DYNC2H1: variants seen among roughly 807,000 people sequenced by gnomAD.
The protein encoded by DYNC2H1 is cytoplasmic dynein 2 heavy chain 1.
DYNC2H1 carries 410 observed loss-of-function variants against 570.0 expected under a neutral mutation model. That is an observed-to-expected ratio of 0.72 (90% confidence interval 0.66 to 0.78). DYNC2H1 has a LOEUF of 0.78. DYNC2H1 is among the 30% of genes least tolerant of loss of function. DYNC2H1 has a pLI of 0.00. For synonymous variants in DYNC2H1, 1,688 were observed against 1,677.6 expected, an observed-to-expected ratio of 1.01 and a Z score of -0.15; for missense variants, 4,865 against 5,046.4, an observed-to-expected ratio of 0.96 and a Z score of 1.09.
chr11:103,337,674 A>G (rs1939219011), intron 82 of DYNC2H1, among the ~76,000 whole-genome samples: 1 of 152,082 alleles, frequency 6.6e-6, no homozygotes, highest in Non-Finnish European at 1.5e-5. Context: ...GGTCATTTGC[A>G]TGTCTTCTTT....
chr11:103,253,474 C>T, intron 66 of DYNC2H1, 26 bp downstream of exon 66: 2 of 1,573,088 alleles, frequency 1.3e-6, no homozygotes, highest in Non-Finnish European at 1.7e-6. Flanking sequence ...AATAATTTAC[C>T]TTGGAATCTT....
In DYNC2H1 at chr11:103,465,404, A is replaced by G. The variant is rs911422710; in HGVS notation, c.12649-3185A>G. Among the ~76,000 whole-genome samples the G allele has an allele frequency of 1.3e-5, 2 of 152,168 alleles. No homozygotes were observed. Among genetic ancestry groups the G allele is most frequent in the Non-Finnish European group, 1.5e-5 (1 of 68,008 alleles). On this transcript the variant is annotated intron_variant, in intron 87 of 88. Transcript: ENST00000375735. This position sits in a 1 kb window ranked among gnomAD's most constrained non-coding sequence, Gnocchi z 4.9. ...CTTAAAAAATGTCAGACTTTCCAAA[A>G]TCAAATTTTAAAATTTAATGCAATT...
chr11:103,402,515 G>T (rs955513219), intron 84 of DYNC2H1: 1 of 152,110 alleles, frequency 6.6e-6, no homozygotes, highest in Admixed American at 6.6e-5. Flanking sequence ...GTTATTAGAA[G>T]AGCTGAGAGA....
rs1036695460 is a variant in DYNC2H1, at chr11:103,121,489, A to G, written c.1478A>G (p.Glu493Gly). The stretch of plus-strand genomic sequence containing the variant: ...AGTATAGTTTGGGTTCGCCAGTTGG[A>G]ATTGAAGGTATTTATTTTAATAAAA... ...VNSIVWVRQL[E>G]LKVDDTIKIA... Residue 493 changes from glutamate (E) to glycine (G), a missense_variant, in exon 10 of 89, where the codon GAA (glutamate) becomes GGA (glycine). Physicochemically the swap from Glu to Gly is moderately conservative, Grantham distance 98 (BLOSUM62 -2). Coordinates refer to ENST00000375735, the MANE Select transcript of DYNC2H1 (RefSeq NM_001377.3). The G allele has an allele frequency of 1.2e-6, 2 of 1,611,488 alleles. No homozygotes were observed. Among genetic ancestry groups the G allele is most frequent in the Non-Finnish European group, 1.7e-6 (2 of 1,179,022 alleles).
chr11:103,140,511 C>T (rs979588276), intron 17 of DYNC2H1, among the ~76,000 whole-genome samples: 14 of 152,162 alleles, frequency 9.2e-5, no homozygotes, highest in African/African-American at 3.4e-4. Flanking sequence ...GTTGAAACTT[C>T]TTTTCTTTAG....
chr11:103,176,149 A>G lies in DYNC2H1; in HGVS notation c.5675-86A>G, dbSNP rs1163380198. 4 of 963,116 alleles carry G rather than the reference A, an allele frequency of 4.2e-6. No individual in the cohort carries two copies. In the African/African-American group the frequency reaches 5.2e-5, roughly 12 times the overall value. The allele number at this position is 963,116 out of a possible 1,614,324, so 59.7% of individuals were successfully genotyped here. ...ATTCTAGTGCATTTAATGATTAATA[A>G]TGCATATCAAGGCTATAGAATATTT... On this transcript the variant is annotated intron_variant, in intron 36 of 88. Coordinates refer to ENST00000375735, the MANE Select transcript of DYNC2H1 (RefSeq NM_001377.3).
chr11:103,347,549 A>G (rs1217103770), intron 82 of DYNC2H1, among the ~76,000 whole-genome samples: 2 of 152,184 alleles, frequency 1.3e-5, no homozygotes, highest in Non-Finnish European at 2.9e-5. Flanking sequence ...CAAGTGCTGG[A>G]AAGTGTTGAC....
chr11:103,146,671 C>T (rs774825682), intron 18 of DYNC2H1, among the ~76,000 whole-genome samples: 6 of 151,468 alleles, frequency 4.0e-5, no homozygotes, highest in South Asian at 2.1e-4. Context: ...AGTGTGATCT[C>T]GGCTTACTGC....
At chr11:103,373,904 C>G (rs1023766229) in intron 83 of DYNC2H1, among the ~76,000 whole-genome samples, 1 of 152,100 alleles carries the variant, frequency 6.6e-6, no homozygotes, top group Non-Finnish European at 1.5e-5. Flanking sequence ...GCTACATCCT[C>G]TTTTTGAAGT....
At position 103,253,365 on chromosome 11, in the gene DYNC2H1, C is replaced by T. The variant is rs1864915457; in HGVS notation, c.10123C>T (p.Pro3375Ser). 2 of 1,613,122 alleles carry T rather than the reference C, an allele frequency of 1.2e-6. No individual in the cohort carries two copies. Among genetic ancestry groups the T allele is most frequent in the East Asian group, 2.2e-5 (1 of 44,788 alleles). The change falls in exon 66 of 89, where the codon CCA (proline) becomes TCA (serine). Residue 3375 changes from proline to serine, a missense_variant. Transcript: ENST00000375735. ...CCGCCTCTTTTTGTCAACAAGAAAC[C>T]CAAATCCTTTTATTCCACCGGATGC... ...EFRLFLSTRN[P>S]NPFIPPDAAS...
At chr11:103,359,940 C>T (rs1591629609) in intron 83 of DYNC2H1, among the ~76,000 whole-genome samples, 3 of 152,056 alleles carry the variant, frequency 2.0e-5, no homozygotes, top group Non-Finnish European at 2.9e-5. Context: ...GCTGGGATTA[C>T]AGGCGTGAGC....
chr11:103,424,359 G>T (rs1943593551), intron 84 of DYNC2H1, among the ~76,000 whole-genome samples: 1 of 152,090 alleles, frequency 6.6e-6, no homozygotes, highest in Non-Finnish European at 1.5e-5. Flanking sequence ...TGTTGATATG[G>T]ATCAGGAACA....
intron 74 of DYNC2H1, 94 bp from the exon 75 acceptor site, chr11:103,287,439 A>G (rs1306340107): frequency 2.0e-6 from 2 of 1,009,808 alleles, no homozygotes; most frequent in Admixed American, 2.4e-5. Context: ...CATATTTAGT[A>G]AACATTTGTT....
intron 83 of DYNC2H1, among the ~76,000 whole-genome samples, chr11:103,379,432 A>T (rs1354278792): frequency 6.6e-6 from 1 of 152,154 alleles, no homozygotes; most frequent in Non-Finnish European, 1.5e-5. Context: ...TTTATATTAC[A>T]TTCATAATAG....
chr11:103,321,865 T>A (rs1308991423), intron 81 of DYNC2H1, among the ~76,000 whole-genome samples: 2 of 152,112 alleles, frequency 1.3e-5, no homozygotes, highest in Non-Finnish European at 2.9e-5. Context: ...AGTGTGCAAA[T>A]AATTCTTTAT....
chr11:103,211,273 A>T (rs2135120274), intron 53 of DYNC2H1, among the ~76,000 whole-genome samples: 1 of 152,142 alleles, frequency 6.6e-6, no homozygotes, highest in South Asian at 2.1e-4. Flanking sequence ...GGGAATACAG[A>T]TGCAAATTGT....
rs891020969 is a variant in DYNC2H1, at chr11:103,185,458, C to A, written c.6633+407C>A. ...TGAATTAATTATTAATAAATATTTT[C>A]TTTAATATATGTTAAAGTTGTATTA... On this transcript the variant is annotated intron_variant, in intron 41 of 88. Coordinates refer to ENST00000375735, the MANE Select transcript of DYNC2H1 (RefSeq NM_001377.3). The surrounding 1 kb of genome is among the most constrained non-coding windows in gnomAD (Gnocchi z 4.5). 1.3e-5 allele frequency among the ~76,000 whole-genome samples: 2 copies of A among 151,848 alleles called. No individual in the cohort carries two copies. The highest frequency in any genetic ancestry group is 2.1e-4 in the South Asian group (1 of 4,818).
chr11:103,431,186 C>A (rs1333481512), intron 84 of DYNC2H1, among the ~76,000 whole-genome samples: 1 of 145,544 alleles, frequency 6.9e-6, no homozygotes, highest in Non-Finnish European at 1.5e-5. Context: ...TAGGGTTAGA[C>A]CTGGATTCAA....
At chr11:103,453,615 C>CATATATATATATATATATATATATAT (rs66628059) in intron 85 of DYNC2H1, among the ~76,000 whole-genome samples, 29 of 136,612 alleles carry the variant, frequency 2.1e-4, no homozygotes, top group African/African-American at 8.0e-4. Context: ...TTAGTTTAGA[C>CATATATATATATATATATATATATAT]ATATATATAT....
Sources: gnomAD v4.1 joint callset for allele counts (sites outside exome capture counted in the v4.1 genomes callset) on GRCh38, gnomAD v4.1.1 for gene constraint, Gnocchi (gnomAD v3.1) non-coding constraint, MANE v1.5 for transcripts, NCBI Gene and HGNC (gene_info 2026-07-23, HGNC 2026-07-21) for gene names.